Variants in YTHDC2 observed in about 807,000 individuals in gnomAD.
The protein encoded by YTHDC2 is YTH N6-methyladenosine RNA binding protein C2, also known as 3'-5' RNA helicase YTHDC2.
Under a neutral mutation model 174.9 loss-of-function variants are expected in YTHDC2, and 45 were observed. The ratio of observed to expected loss-of-function variants is 0.26; its 90% CI spans 0.20 to 0.33. The LOEUF (loss-of-function observed/expected upper bound fraction) is 0.33. YTHDC2 is among the 10% of genes least tolerant of loss of function. The pLI is 1.00. For missense variants in YTHDC2, 1,650 were observed against 1,723.7 expected, an observed-to-expected ratio of 0.96 and a Z score of 0.76; for synonymous variants, 657 against 574.5, an observed-to-expected ratio of 1.14 and a Z score of -2.05.
chr5:113,542,598 A>G, intron 10 of YTHDC2, 95 bp downstream of exon 10: 1 of 1,145,196 alleles, frequency 8.7e-7, no homozygotes, highest in South Asian at 1.9e-5. Context: ...ATAATTGCAC[A>G]ACCAAAAATT....
Position 113,535,726 on chromosome 5 carries a change from C to G in YTHDC2, c.1030C>G (p.Leu344Val), listed in dbSNP as rs367827728. ...GTTGCAAAAGCACCCAACTTTGAAACTAATTCTTTCTAGTGCTGCCTTGGA... is the reference window on the plus strand; with the variant it reads ...GTTGCAAAAGCACCCAACTTTGAAAGTAATTCTTTCTAGTGCTGCCTTGGA... ...DLLQKHPTLK[L>V]ILSSAALDVN... Residue 344 changes from leucine to valine, a missense_variant, in exon 7 of 30, where the codon CTA (leucine) becomes GTA (valine). Leu to Val is a conservative substitution (Grantham distance 32). This residue lies in a region of YTHDC2 where 411 missense variants were observed against 380.6 expected (regional missense o/e 1.08). Transcript: ENST00000161863. 4.3e-6 allele frequency: 7 copies of G among 1,613,672 alleles called. No individual in the cohort carries two copies. Among genetic ancestry groups the G allele is most frequent in the Admixed American group, 1.7e-5 (1 of 59,986 alleles).
chr5:113,565,772 G>T, intron 20 of YTHDC2, 121 bp from the exon 21 acceptor site: 2 of 981,876 alleles, frequency 2.0e-6, no homozygotes, highest in Middle Eastern at 2.3e-4. Flanking sequence ...AGATTTTATA[G>T]AAAATTAGAA....
chr5:113,564,138 T>C lies in YTHDC2; in HGVS notation c.2715+7T>C, dbSNP rs374935189. The C allele has an allele frequency of 2.8e-5, 45 of 1,591,872 alleles. No individual in the cohort carries two copies. The African/African-American group carries it at 5.4e-4, about 19-fold the overall frequency. ...ACTTCTCAGAGCATTCCAGGTACTA[T>C]TACTGTCATTTTATTTCTGAAGACG... On this transcript the variant is annotated splice_region_variant and intron_variant, in intron 20 of 29. Coordinates refer to ENST00000161863, the MANE Select transcript of YTHDC2 (RefSeq NM_022828.5).
At chr5:113,558,357 G>T (rs1234992616) in intron 17 of YTHDC2, among the ~76,000 whole-genome samples, 1 of 152,206 alleles carries the variant, frequency 6.6e-6, no homozygotes, top group South Asian at 2.1e-4. Context: ...GGACCCAGTA[G>T]GAGGCTTCTT....
chr5:113,517,090 G>A (rs894959156), intron 2 of YTHDC2, among the ~76,000 whole-genome samples: 19 of 152,054 alleles, frequency 1.2e-4, no homozygotes, highest in African/African-American at 3.6e-4. Flanking sequence ...AAGGTATTTG[G>A]GTATATTTGC....
At position 113,550,216 on chromosome 5, in the gene YTHDC2, G is replaced by A. The variant is rs778821819; in HGVS notation, c.1688+1196G>A. On this transcript the variant is annotated intron_variant, in intron 12 of 29. Coordinates refer to ENST00000161863, the MANE Select transcript of YTHDC2 (RefSeq NM_022828.5). ...AGAGGATTGTTTTGATGACACCTGT[G>A]TCTAGTAGGCCTGATCGCATAGGAA... 5.7e-4 allele frequency among the ~76,000 whole-genome samples: 86 copies of A among 152,064 alleles called. No individual in the cohort carries two copies. In the Middle Eastern group the frequency reaches 0.014, roughly 24 times the overall value.
At chr5:113,592,259 T>C (rs560634740) in intron 28 of YTHDC2, 81 bp downstream of exon 28, 12 of 1,360,702 alleles carry the variant, frequency 8.8e-6, no homozygotes, top group Non-Finnish European at 1.2e-5. Flanking sequence ...GAGGAGAAAA[T>C]GTAAGAGTAC....
intron 16 of YTHDC2, among the ~76,000 whole-genome samples, chr5:113,555,599 A>G (rs1373041278): frequency 6.6e-6 from 1 of 152,200 alleles, no homozygotes; most frequent in African/African-American, 2.4e-5. Flanking sequence ...TCTTTGGGAT[A>G]AGATTATTGA....
rs768191766 is a variant in YTHDC2 at position 113,564,162 on chromosome 5, C to T, written c.2715+31C>T. Reference sequence around the variant, plus strand: ...ATTACTGTCATTTTATTTCTGAAGACGTTGCTGGGTAAACACGTTTCTGGG... The same window carrying T: ...ATTACTGTCATTTTATTTCTGAAGATGTTGCTGGGTAAACACGTTTCTGGG... On this transcript the variant is annotated intron_variant, in intron 20 of 29. Coordinates refer to ENST00000161863, the MANE Select transcript of YTHDC2 (RefSeq NM_022828.5). 1.1e-5 allele frequency: 17 copies of T among 1,557,646 alleles called. No individual in the cohort carries two copies. In the East Asian group the frequency reaches 2.1e-4, roughly 19 times the overall value.
chr5:113,575,612 G>T (rs1169122764), intron 23 of YTHDC2, among the ~76,000 whole-genome samples: 1 of 152,174 alleles, frequency 6.6e-6, no homozygotes, highest in African/African-American at 2.4e-5. Context: ...CAGAAAGGCT[G>T]TGTGATTGGA....
chr5:113,589,762 C>A (rs1035180571), intron 26 of YTHDC2, among the ~76,000 whole-genome samples: 8 of 152,006 alleles, frequency 5.3e-5, no homozygotes, highest in African/African-American at 1.9e-4. Context: ...TCTTCCATTT[C>A]TCCTCTCATT....
chr5:113,565,881 C>T lies in YTHDC2; in HGVS notation c.2716-12C>T, dbSNP rs1301551362. ...AAATGTGTCTTGTTATGCAATTATT[C>T]TCTTTTTATAGGCCTGGCAAAAAGC... On this transcript the variant is annotated splice_polypyrimidine_tract_variant and intron_variant, in intron 20 of 29. Transcript: ENST00000161863. The T allele has an allele frequency of 6.2e-7, 1 of 1,608,456 alleles. No individual in the cohort carries two copies. The highest frequency in any genetic ancestry group is 8.5e-7 in the Non-Finnish European group (1 of 1,178,076).
rs1778569505 is a variant in YTHDC2, at chr5:113,584,478, A to G, written c.3824A>G (p.Lys1275Arg). The G allele has an allele frequency of 6.2e-7, 1 of 1,604,200 alleles. No homozygotes were observed. The highest frequency in any genetic ancestry group is 1.7e-5 in the Admixed American group (1 of 58,468). ...AGTCCTTCTCCTCCATCCTCAGGAA[A>G]GGTAAGAGTATCTGAAAGAAAATGT... ...CASPSPPSSG[K>R]GSKSPSPRPN... The change falls in exon 26 of 30, where the codon AAG becomes AGG. Residue 1275 changes from lysine to arginine, a missense_variant and splice_region_variant. Coordinates refer to ENST00000161863, the MANE Select transcript of YTHDC2 (RefSeq NM_022828.5).
At chr5:113,553,154 T>A (rs1776364895) in intron 12 of YTHDC2, 27 bp from the exon 13 acceptor site, 1 of 1,417,864 alleles carries the variant, frequency 7.1e-7, no homozygotes, top group Non-Finnish European at 9.2e-7. Context: ...AAATTGACTT[T>A]GTCTTTTTTT....
At chr5:113,539,245 A>G in intron 8 of YTHDC2, 64 bp downstream of exon 8, 1 of 635,864 alleles carries the variant, frequency 1.6e-6, no homozygotes, top group East Asian at 3.6e-5. Context: ...GGAGTACTCC[A>G]TCCTTACATT....
chr5:113,553,423 T>G, intron 13 of YTHDC2, 64 bp downstream of exon 13: 1 of 1,487,920 alleles, frequency 6.7e-7, no homozygotes, highest in Non-Finnish European at 9.0e-7. Context: ...ATATTTTAAG[T>G]GTACAAATTT....
intron 17 of YTHDC2, among the ~76,000 whole-genome samples, chr5:113,556,736 T>A (rs747088136): frequency 6.6e-6 from 1 of 152,222 alleles, no homozygotes; most frequent in African/African-American, 2.4e-5. Flanking sequence ...AGAGTGCAAT[T>A]TGAAACTATT....
Position 113,548,786 on chromosome 5 carries a change from C to G in YTHDC2, c.1622+119C>G, listed in dbSNP as rs185014620. 5.3e-3 allele frequency: 6,462 copies of G among 1,214,884 alleles called. 67 individuals carry two copies. Among genetic ancestry groups the G allele is most frequent in the Non-Finnish European group, 4.4e-3 (4,041 of 914,884 alleles). The allele number at this position is 1,214,884 out of a possible 1,614,324, so 75.3% of individuals were successfully genotyped here. On this transcript the variant is annotated intron_variant, in intron 11 of 29. Transcript: ENST00000161863. Reference sequence around the variant, plus strand: ...TTGTGTAATAATTGCTGGTGAATTTCTGTTTTAATGGGTTAATAATTTTGA... The same window carrying G: ...TTGTGTAATAATTGCTGGTGAATTTGTGTTTTAATGGGTTAATAATTTTGA...
At chr5:113,534,014 T>G (rs1466439623) in intron 5 of YTHDC2, among the ~76,000 whole-genome samples, 3 of 152,222 alleles carry the variant, frequency 2.0e-5, no homozygotes, top group Non-Finnish European at 4.4e-5. Flanking sequence ...TTAAAAAATC[T>G]GATTCCATTT....
Sources: gnomAD v4.1 joint callset for allele counts (sites outside exome capture counted in the v4.1 genomes callset) on GRCh38, gnomAD v4.1.1 for gene constraint, gnomAD v4.1.1 regional missense constraint, MANE v1.5 for transcripts, NCBI Gene and HGNC (gene_info 2026-07-23, HGNC 2026-07-21) for gene names.